DCC: variants seen among roughly 807,000 people sequenced by gnomAD.
DCC encodes netrin receptor DCC.
A neutral mutation model predicts 172.5 loss-of-function variants in DCC; 58 were observed. The observed-to-expected ratio is 0.34, with a 90% CI of 0.27 to 0.42. The LOEUF is 0.42. Ranked by LOEUF, DCC falls within the 10% of genes least tolerant of loss-of-function variation. The pLI, the probability that DCC is intolerant of heterozygous loss-of-function variation, is 1.00. For missense variants in DCC, 1,740 were observed against 1,791.0 expected, an observed-to-expected ratio of 0.97 and a Z score of 0.51; for synonymous variants, 709 against 644.5, an observed-to-expected ratio of 1.10 and a Z score of -1.52.
chr18:53,357,905 ATTAT>A (rs904527179), intron 15 of DCC, among the ~76,000 whole-genome samples: 2 of 152,180 alleles, frequency 1.3e-5, no homozygotes, highest in Admixed American at 1.3e-4. Context: ...TTACCTTGAT[ATTAT>A]TTTATAATTT....
intron 1 of DCC, among the ~76,000 whole-genome samples, chr18:52,620,157 CT>C (rs2034453025): frequency 6.6e-6 from 1 of 152,236 alleles, no homozygotes; most frequent in South Asian, 2.1e-4. Context: ...ACTGAATTTA[CT>C]TCTAGTTCTT....
chr18:52,996,001 A>G (rs1206758340), intron 5 of DCC, among the ~76,000 whole-genome samples: 4 of 151,690 alleles, frequency 2.6e-5, no homozygotes, highest in Non-Finnish European at 5.9e-5. Flanking sequence ...ATACCACTTT[A>G]GTGTCCAGCT....
rs1194238001 is a variant in DCC at position 53,322,105 on chromosome 18, T to C, written c.2112T>C (p.Thr704=). The change falls in exon 14 of 29, where the codon ACT becomes ACC. Residue 704 remains threonine, a synonymous_variant. Transcript: ENST00000442544. The part of the protein sequence containing the change: ...FQVSAMTVNG[T]GPPSNWYTAE... ...TGTCAGCCATGACAGTCAATGGTAC[T>C]GGACCACCTTCCAACTGGTATACTG... The C allele has an allele frequency of 8.1e-6, 13 of 1,609,196 alleles. No homozygotes were observed. The highest frequency in any genetic ancestry group is 1.0e-5 in the Non-Finnish European group (12 of 1,175,468).
At position 52,690,379 on chromosome 18, in the gene DCC, G is replaced by A. The variant is rs182737508; in HGVS notation, c.92-61675G>A. On this transcript the variant is annotated intron_variant, in intron 1 of 28. Coordinates refer to ENST00000442544, the MANE Select transcript of DCC (RefSeq NM_005215.4). ...AGGGCAGTAGAGGCTTCACAGCAGA[G>A]GTGACATTTGAGTTAGGTTTTGAAA... Among the ~76,000 whole-genome samples the A allele has an allele frequency of 7.9e-5, 12 of 152,182 alleles. No homozygotes were observed. The East Asian group carries it at 1.9e-3, about 25-fold the overall frequency.
At chr18:53,375,248 G>GA (rs796392045) in intron 15 of DCC, among the ~76,000 whole-genome samples, 45,155 of 151,714 alleles carry the variant, frequency 0.3, 8,590 homozygotes, top group Non-Finnish European at 0.44. Context: ...TATCTTTATA[G>GA]TTCTTTCTGT....
intron 12 of DCC, among the ~76,000 whole-genome samples, chr18:53,218,935 A>G (rs930224264): frequency 2.0e-5 from 3 of 152,146 alleles, no homozygotes; most frequent in Non-Finnish European, 4.4e-5. Context: ...GGGCACAAAT[A>G]TTAATACTTC....
At chr18:53,170,121 A>C (rs1207389003) in intron 8 of DCC, among the ~76,000 whole-genome samples, 1 of 152,178 alleles carries the variant, frequency 6.6e-6, no homozygotes, top group African/African-American at 2.4e-5. Context: ...CATTTTCTCA[A>C]TATGCTTTTG....
chr18:53,002,772 T>A (rs1324514843), intron 5 of DCC, among the ~76,000 whole-genome samples: 2 of 152,092 alleles, frequency 1.3e-5, no homozygotes, highest in Non-Finnish European at 2.9e-5. Flanking sequence ...TTTGAATGAG[T>A]GTTAGCCTTG....
chr18:52,815,988 C>T (rs1229133762), intron 2 of DCC, among the ~76,000 whole-genome samples: 2 of 152,178 alleles, frequency 1.3e-5, no homozygotes, highest in Non-Finnish European at 2.9e-5. Context: ...ATAAACCAAC[C>T]AATTAGTGAA....
rs536414024 is a variant in DCC at position 53,047,521 on chromosome 18, C to T, written c.986-15784C>T. On this transcript the variant is annotated intron_variant, in intron 5 of 28. Transcript: ENST00000442544. The stretch of plus-strand genomic sequence containing the variant: ...TAAACTGAGAAGTCATATATACTTG[C>T]GTGTCTGGAAATACATCTGTAATAA... Among the ~76,000 whole-genome samples, 235 of 122,460 alleles carry T rather than the reference C, an allele frequency of 1.9e-3. 1 individual carries two copies. Among genetic ancestry groups the T allele is most frequent in the South Asian group, 4.5e-3 (17 of 3,738 alleles). 80.3% of individuals were successfully genotyped at this position (122,460 alleles called of 152,430 possible). A position where few individuals can be genotyped will look rare whatever the true frequency, so the allele number is the denominator to read the frequency against.
chr18:52,856,143 C>G (rs1422929592), intron 2 of DCC, among the ~76,000 whole-genome samples: 1 of 152,048 alleles, frequency 6.6e-6, no homozygotes, highest in Non-Finnish European at 1.5e-5. Flanking sequence ...AACACAACTC[C>G]TTGTTTAAAT....
intron 1 of DCC, among the ~76,000 whole-genome samples, chr18:52,529,947 A>G (rs1016753151): frequency 1.3e-5 from 2 of 152,200 alleles, no homozygotes; most frequent in Non-Finnish European, 2.9e-5. Flanking sequence ...CTTCTCTCCA[A>G]TGAAATAGAA....
intron 1 of DCC, among the ~76,000 whole-genome samples, chr18:52,609,579 C>T (rs2034206401): frequency 6.6e-6 from 1 of 152,068 alleles, no homozygotes; most frequent in Admixed American, 6.6e-5. Context: ...CCAACTTTTA[C>T]TGATGATATA....
In DCC at chr18:53,256,429, A is replaced by G. The variant is rs561829133; in HGVS notation, c.1911+40832A>G. On this transcript the variant is annotated intron_variant, in intron 12 of 28. Transcript: ENST00000442544. ...GGGATCCAGTTTCAGCTTTCTACATATGGCCAGCCAGTTTTCCCAGCACCA... is the reference window on the plus strand; with the variant it reads ...GGGATCCAGTTTCAGCTTTCTACATGTGGCCAGCCAGTTTTCCCAGCACCA... Among the ~76,000 whole-genome samples the G allele has an allele frequency of 1.2e-3, 189 of 152,192 alleles. 1 individual carries two copies. The highest frequency in any genetic ancestry group is 4.0e-3 in the African/African-American group (167 of 41,552).
chr18:53,402,756 A>C, intron 18 of DCC, 30 bp from the exon 19 acceptor site: 3 of 1,443,826 alleles, frequency 2.1e-6, no homozygotes, highest in Non-Finnish European at 2.9e-6. Context: ...ACATCCAATG[A>C]CAAGGCCTTA....
intron 12 of DCC, among the ~76,000 whole-genome samples, chr18:53,241,705 C>T (rs562458197): frequency 1.3e-5 from 2 of 152,248 alleles, no homozygotes; most frequent in East Asian, 3.9e-4. Flanking sequence ...AAGAGCATGG[C>T]CAGCCAGGGC....
intron 3 of DCC, among the ~76,000 whole-genome samples, chr18:52,920,459 A>G (rs1018523356): frequency 6.6e-6 from 1 of 151,988 alleles, no homozygotes; most frequent in Non-Finnish European, 1.5e-5. Context: ...AACATATGTC[A>G]TTAGGCAATT....
At chr18:53,077,988 C>T (rs1472142973) in intron 7 of DCC, among the ~76,000 whole-genome samples, 2 of 152,280 alleles carry the variant, frequency 1.3e-5, no homozygotes, top group East Asian at 3.9e-4. Flanking sequence ...GTGAATATCA[C>T]ATAATTGTTG....
chr18:52,651,931 G>C (rs1269035657), intron 1 of DCC, among the ~76,000 whole-genome samples: 1 of 152,166 alleles, frequency 6.6e-6, no homozygotes. Context: ...GCCTTTCAAA[G>C]AAAGGAGTAT....
Sources: gnomAD v4.1 joint callset for allele counts (sites outside exome capture counted in the v4.1 genomes callset) on GRCh38, gnomAD v4.1.1 for gene constraint, MANE v1.5 for transcripts, NCBI Gene and HGNC (gene_info 2026-07-23, HGNC 2026-07-21) for gene names.